ZCCHC14: variants seen among roughly 807,000 people sequenced by gnomAD.
ZCCHC14 encodes zinc finger CCHC domain-containing protein 14.
In ZCCHC14, 16 loss-of-function variants were observed where a neutral mutation model predicts 85.0. The observed-to-expected ratio is 0.19, with a 90% CI of 0.13 to 0.29. The LOEUF (loss-of-function observed/expected upper bound fraction) is 0.29. Ranked by LOEUF, ZCCHC14 falls within the 10% of genes least tolerant of loss-of-function variation. ZCCHC14 has a pLI of 1.00. For missense variants in ZCCHC14, 1,303 were observed against 1,443.5 expected (o/e 0.90, Z 1.58); for synonymous variants, 775 against 630.7 (o/e 1.23, Z -3.43).
At chr16:87,438,590 G>T (rs183305073) in intron 2 of ZCCHC14, among the ~76,000 whole-genome samples, 3 of 152,228 alleles carry the variant, frequency 2.0e-5, no homozygotes, top group Non-Finnish European at 4.4e-5. Flanking sequence ...AATGGGGATA[G>T]TAGCTTAAAA....
chr16:87,433,456 G>A (rs570353740), intron 2 of ZCCHC14, among the ~76,000 whole-genome samples: 1 of 152,154 alleles, frequency 6.6e-6, no homozygotes, highest in Non-Finnish European at 1.5e-5. Flanking sequence ...GAACGGCACT[G>A]GAGTACAGAC....
intron 2 of ZCCHC14, among the ~76,000 whole-genome samples, chr16:87,433,799 G>A (rs908923242): frequency 6.6e-6 from 1 of 151,956 alleles, no homozygotes; most frequent in African/African-American, 2.4e-5. Flanking sequence ...ATGCACCACC[G>A]TGCCTGGCTG....
At chr16:87,467,506 C>T (rs1350146377) in intron 1 of ZCCHC14, 1 of 1,606,304 alleles carries the variant, frequency 6.2e-7, no homozygotes, top group Non-Finnish European at 8.5e-7. Flanking sequence ...GACATGAATA[C>T]AGCATCCCTT....
chr16:87,423,960 G>C, intron 3 of ZCCHC14, 79 bp from the exon 4 acceptor site: 4 of 1,491,240 alleles, frequency 2.7e-6, no homozygotes, highest in Non-Finnish European at 2.8e-6. Flanking sequence ...GGTACGACTG[G>C]GGCACACGTT....
Position 87,412,559 on chromosome 16 carries a change from A to G in ZCCHC14, c.2162T>C (p.Met721Thr). ...VLSGLSESSS[M>T]SPTVSFGPRT... is the part of the protein sequence containing the mutation. ...GGGACCAAAGGAGACTGTGGGTGAC[A>G]TGGAGCTGCTCTCCGAAAGCCCAGA... is the stretch of plus-strand genomic sequence containing the variant. The change falls in exon 12 of 13, where the codon ATG (methionine) becomes ACG (threonine). Residue 721 changes from methionine (M) to threonine (T), a missense_variant. By Grantham distance (81) the Met-to-Thr change is moderately conservative. This residue lies in a region of ZCCHC14 where 797 missense variants were observed against 730.8 expected (regional missense o/e 1.09). Transcript: ENST00000671377. 1 of 1,614,104 alleles carries G rather than the reference A, an allele frequency of 6.2e-7. No homozygotes were observed. Among genetic ancestry groups the G allele is most frequent in the Non-Finnish European group, 8.5e-7 (1 of 1,180,016 alleles).
At chr16:87,469,579 GA>G (rs1164653654) in intron 1 of ZCCHC14, among the ~76,000 whole-genome samples, 11 of 152,258 alleles carry the variant, frequency 7.2e-5, no homozygotes, top group Admixed American at 3.3e-4. Context: ...GCTTTTGTGA[GA>G]ATTCAGTAAA....
chr16:87,425,372 T>G (rs1225283051), intron 3 of ZCCHC14, among the ~76,000 whole-genome samples: 1 of 150,484 alleles, frequency 6.6e-6, no homozygotes, highest in Non-Finnish European at 1.5e-5. Context: ...AGGTCAGGAG[T>G]TCAAGACCAG....
intron 1 of ZCCHC14, among the ~76,000 whole-genome samples, chr16:87,483,723 G>T (rs899849241): frequency 6.6e-6 from 1 of 152,210 alleles, no homozygotes; most frequent in East Asian, 1.9e-4. Flanking sequence ...AACAGGCCTT[G>T]TATGTGGCTG....
At position 87,413,105 on chromosome 16, in the gene ZCCHC14, C is replaced by G; in HGVS notation, c.1694G>C (p.Gly565Ala). 2 of 1,614,034 alleles carry G rather than the reference C, an allele frequency of 1.2e-6. No homozygotes were observed. The highest frequency in any genetic ancestry group is 1.7e-6 in the Non-Finnish European group (2 of 1,179,982). The change falls in exon 11 of 13, where the codon GGG (glycine) becomes GCG (alanine). Residue 565 changes from glycine to alanine, a missense_variant. By Grantham distance (60) the Gly-to-Ala change is moderately conservative. Transcript: ENST00000671377. ...EYSSSSSSPM[G>A]VQAREESSDS... is the part of the protein sequence containing the mutation. ...GGAGCTCTCTTCCCGGGCCTGTACC[C>G]CCATGGGGCTGGAGGAGGAGCTGGA...
intron 3 of ZCCHC14, among the ~76,000 whole-genome samples, chr16:87,429,220 A>G (rs1403434518): frequency 6.6e-6 from 1 of 152,210 alleles, no homozygotes; most frequent in African/African-American, 2.4e-5. Flanking sequence ...TTTTCATTCC[A>G]GTATTTCAAG....
intron 1 of ZCCHC14, among the ~76,000 whole-genome samples, chr16:87,466,823 A>C (rs1487915574): frequency 6.6e-6 from 1 of 152,152 alleles, no homozygotes; most frequent in East Asian, 1.9e-4. Context: ...GAGAAAGTGA[A>C]GTTGTGATGG....
chr16:87,429,095 T>C (rs1909520400), intron 3 of ZCCHC14, among the ~76,000 whole-genome samples: 1 of 152,216 alleles, frequency 6.6e-6, no homozygotes, highest in Admixed American at 6.5e-5. Flanking sequence ...GGTCATACTT[T>C]TTAAGAAACT....
intron 9 of ZCCHC14, among the ~76,000 whole-genome samples, chr16:87,414,961 A>C (rs761710453): frequency 9.2e-5 from 14 of 152,340 alleles, no homozygotes; most frequent in Non-Finnish European, 1.8e-4. Context: ...GGGTGCCTGT[A>C]ATCCCAGGTA....
chr16:87,471,483 C>T (rs1377683316), intron 1 of ZCCHC14: 1 of 152,240 alleles, frequency 6.6e-6, no homozygotes, highest in Admixed American at 6.5e-5. Context: ...GCAAAGGGAA[C>T]CCAGTACTTA....
intron 3 of ZCCHC14, among the ~76,000 whole-genome samples, chr16:87,424,730 G>A (rs1409204658): frequency 6.6e-6 from 1 of 152,088 alleles, no homozygotes; most frequent in Non-Finnish European, 1.5e-5. Flanking sequence ...GTTTCTGCAT[G>A]GAGAAGAGCT....
intron 3 of ZCCHC14, among the ~76,000 whole-genome samples, chr16:87,426,930 T>G (rs1407646730): frequency 6.6e-6 from 1 of 151,890 alleles, no homozygotes; most frequent in African/African-American, 2.4e-5. Context: ...ACCAGGCCAG[T>G]AGGAATGAAA....
rs571327266 is a variant in ZCCHC14, at chr16:87,419,838, G to C, written c.990C>G (p.Asp330Glu). 6 of 1,612,952 alleles carry C rather than the reference G, an allele frequency of 3.7e-6. No homozygotes were observed. The highest frequency in any genetic ancestry group is 2.2e-5 in the East Asian group (1 of 44,840). The change falls in exon 6 of 13, where the codon GAC becomes GAG. Residue 330 changes from aspartate to glutamate, a missense_variant. By Grantham distance (45) the Asp-to-Glu change is conservative. Around this residue, in one of 7 missense-constraint regions of ZCCHC14, gnomAD observed 389 missense variants for 397.8 expected, o/e 0.98. Transcript: ENST00000671377. ...ASLPSHVLKNDHVRRFLSTSS... is the reference protein window; with the variant it reads ...ASLPSHVLKNEHVRRFLSTSS... ...AAGTGCTGAGAAACCTCCTGACATG[G>C]TCATTTTTCAACACGTGAGAAGGTA...
At chr16:87,425,639 C>A (rs1359050122) in intron 3 of ZCCHC14, among the ~76,000 whole-genome samples, 1 of 152,038 alleles carries the variant, frequency 6.6e-6, no homozygotes, top group Non-Finnish European at 1.5e-5. Flanking sequence ...CCTTCTCTGC[C>A]TTAAATATTA....
intron 2 of ZCCHC14, among the ~76,000 whole-genome samples, chr16:87,433,694 T>A (rs1437872631): frequency 1.3e-5 from 2 of 151,528 alleles, no homozygotes; most frequent in Non-Finnish European, 2.9e-5. Flanking sequence ...TGAGACGGAG[T>A]CTCACTCTGT....
Sources: gnomAD v4.1 joint callset for allele counts (sites outside exome capture counted in the v4.1 genomes callset) on GRCh38, gnomAD v4.1.1 for gene constraint, gnomAD v4.1.1 regional missense constraint, MANE v1.5 for transcripts, NCBI Gene and HGNC (gene_info 2026-07-23, HGNC 2026-07-21) for gene names.